The following LAMA2 variants were observed in gnomAD, a reference collection of about 807,000 sequenced individuals.
LAMA2 encodes the protein laminin subunit alpha-2.
Under a neutral mutation model 364.8 loss-of-function variants are expected in LAMA2, and 269 were observed. The ratio of observed to expected loss-of-function variants is 0.74; its 90% CI spans 0.67 to 0.82. The LOEUF (loss-of-function observed/expected upper bound fraction) is 0.82, where lower values mean the gene tolerates loss of function less well. Among genes scored for constraint, LAMA2 ranks in the 40% least tolerant of loss-of-function variants. The pLI is 0.00. For synonymous variants in LAMA2, 1,379 were observed against 1,370.6 expected, an observed-to-expected ratio of 1.01 and a Z score of -0.14; for missense variants, 3,807 against 3,873.2, an observed-to-expected ratio of 0.98 and a Z score of 0.45.
chr6:129,009,875 T>C (rs1214891353), intron 1 of LAMA2, among the ~76,000 whole-genome samples: 1 of 152,176 alleles, frequency 6.6e-6, no homozygotes. Flanking sequence ...CTTTCTTGAT[T>C]ATATGGCAGG....
intron 29 of LAMA2, among the ~76,000 whole-genome samples, chr6:129,342,030 G>A (rs150655701): frequency 2.0e-5 from 3 of 152,300 alleles, no homozygotes; most frequent in Non-Finnish European, 2.9e-5. Flanking sequence ...TTAGAGACTC[G>A]AAGTCTATTC....
chr6:129,083,439 G>A (rs1774187742), intron 3 of LAMA2, among the ~76,000 whole-genome samples: 1 of 152,082 alleles, frequency 6.6e-6, no homozygotes, highest in Non-Finnish European at 1.5e-5. Context: ...TTCAAACCAA[G>A]TGATACATTT....
chr6:129,400,872 G>A (rs1465901833), intron 37 of LAMA2, among the ~76,000 whole-genome samples: 1 of 152,136 alleles, frequency 6.6e-6, no homozygotes, highest in Admixed American at 6.5e-5. Flanking sequence ...ATAGATTCTA[G>A]AATTCAATAT....
chr6:128,960,328 C>CT (rs372898589), intron 1 of LAMA2, among the ~76,000 whole-genome samples: 9,153 of 132,978 alleles, frequency 0.069, 382 homozygotes, highest in South Asian at 0.12. Flanking sequence ...TTTGATTACT[C>CT]TTTTTTTTTT....
intron 4 of LAMA2, among the ~76,000 whole-genome samples, chr6:129,116,575 T>C (rs1021955451): frequency 6.6e-6 from 1 of 152,142 alleles, no homozygotes; most frequent in African/African-American, 2.4e-5. Context: ...TTCACTTAGT[T>C]GTATTATATT....
rs377537029 is a variant in LAMA2, at chr6:128,989,762, A to G, written c.113-60156A>G. Among the ~76,000 whole-genome samples, 25 of 152,356 alleles carry G rather than the reference A, an allele frequency of 1.6e-4. No individual in the cohort carries two copies. In the East Asian group the frequency reaches 4.2e-3, roughly 26 times the overall value. ...ATTTGAGCTGCTATGATAACATACC[A>G]TAAACTGGATGGATTATAAGCAAAG... On this transcript the variant is annotated intron_variant, in intron 1 of 64. Coordinates refer to ENST00000421865, the MANE Select transcript of LAMA2 (RefSeq NM_000426.4).
At chr6:129,281,005 A>T (rs557718180) in intron 18 of LAMA2, among the ~76,000 whole-genome samples, 74 of 152,258 alleles carry the variant, frequency 4.9e-4, no homozygotes, top group African/African-American at 1.3e-3. Context: ...TTCAACCAGG[A>T]TGCATAAAAT....
intron 7 of LAMA2, among the ~76,000 whole-genome samples, chr6:129,151,356 G>A (rs1044398586): frequency 6.6e-6 from 1 of 152,168 alleles, no homozygotes; most frequent in Non-Finnish European, 1.5e-5. Context: ...CAGAAGTTTT[G>A]ACTGTTTTTT....
intron 1 of LAMA2, among the ~76,000 whole-genome samples, chr6:128,981,179 G>T (rs1582815666): frequency 1.3e-5 from 2 of 152,004 alleles, no homozygotes; most frequent in African/African-American, 4.8e-5. Context: ...TTCCTCCCCT[G>T]TGCCCTACTG....
intron 1 of LAMA2, among the ~76,000 whole-genome samples, chr6:128,937,692 G>C (rs918976779): frequency 6.7e-6 from 1 of 150,350 alleles, no homozygotes; most frequent in Non-Finnish European, 1.5e-5. Context: ...TTTTTTCTTA[G>C]TTTGGCTGAA....
intron 1 of LAMA2, among the ~76,000 whole-genome samples, chr6:128,990,832 T>C (rs1783564712): frequency 6.6e-6 from 1 of 152,130 alleles, no homozygotes; most frequent in Non-Finnish European, 1.5e-5. Context: ...GACTTGTCAA[T>C]ACATAAATTA....
intron 2 of LAMA2, among the ~76,000 whole-genome samples, chr6:129,052,237 G>A (rs1198762648): frequency 5.4e-5 from 8 of 147,970 alleles, no homozygotes; most frequent in Non-Finnish European, 8.9e-5. Context: ...CCGGGTTCAC[G>A]CCATTCTCTT....
chr6:129,282,830 A>G (rs1788820053), intron 18 of LAMA2, among the ~76,000 whole-genome samples: 1 of 152,150 alleles, frequency 6.6e-6, no homozygotes. Context: ...TTGAAAAAGG[A>G]TGAGCTACAT....
At chr6:129,495,625 C>G (rs1248465645) in intron 58 of LAMA2, among the ~76,000 whole-genome samples, 1 of 152,190 alleles carries the variant, frequency 6.6e-6, no homozygotes, top group Non-Finnish European at 1.5e-5. Context: ...AGGCAGGTCT[C>G]TCAGCCTGTG....
intron 19 of LAMA2, among the ~76,000 whole-genome samples, chr6:129,289,657 ATTATT>A (rs1158363230): frequency 1.3e-5 from 2 of 151,996 alleles, no homozygotes; most frequent in Non-Finnish European, 2.9e-5. Flanking sequence ...GTAATTAATT[ATTATT>A]TTATTATGGT....
At chr6:129,070,616 TATTAC>T (rs1357329787) in intron 3 of LAMA2, among the ~76,000 whole-genome samples, 1 of 152,166 alleles carries the variant, frequency 6.6e-6, no homozygotes, top group African/African-American at 2.4e-5. Context: ...TAACCTTACT[TATTAC>T]TAGTATGCTC....
rs569143080 is a variant in LAMA2 at position 129,212,007 on chromosome 6, A to G, written c.1782+19154A>G. ...TTACACAAAAGATAAGAGAAAATAC[A>G]GGTAAAATTATCCTAAATTTTAAAA... is the stretch of plus-strand genomic sequence containing the variant. On this transcript the variant is annotated intron_variant, in intron 12 of 64. Transcript: ENST00000421865. 2.7e-4 allele frequency among the ~76,000 whole-genome samples: 41 copies of G among 152,360 alleles called. 1 individual carries two copies. Among genetic ancestry groups the G allele is most frequent in the Middle Eastern group, 3.4e-3 (1 of 294 alleles).
chr6:129,439,770 ATCC>A (rs1189654375), intron 42 of LAMA2, among the ~76,000 whole-genome samples: 6 of 149,782 alleles, frequency 4.0e-5, no homozygotes, highest in Admixed American at 2.0e-4. Context: ...AGTGTATGTA[ATCC>A]TCATACCAAT....
chr6:129,066,380 T>C (rs977481691), intron 3 of LAMA2, among the ~76,000 whole-genome samples: 2 of 152,078 alleles, frequency 1.3e-5, no homozygotes, highest in African/African-American at 4.8e-5. Context: ...AAAAACAGAC[T>C]AATACAGAGA....
Sources: allele counts gnomAD v4.1 joint callset (sites outside exome capture counted in the v4.1 genomes callset), GRCh38; gene constraint gnomAD v4.1.1; transcripts MANE v1.5; gene names NCBI Gene and HGNC (gene_info 2026-07-23, HGNC 2026-07-21).